The following PALLD variants were observed in gnomAD, a reference collection of about 807,000 sequenced individuals.
The protein encoded by PALLD is palladin.
Under a neutral mutation model 123.5 loss-of-function variants are expected in PALLD, and 61 were observed. The observed-to-expected ratio is 0.49, with a 90% confidence interval of 0.40 to 0.61. The LOEUF is 0.61. PALLD is among the 20% of genes least tolerant of loss of function. The probability of loss-of-function intolerance (pLI) is 0.00; values close to 1 mark genes in which losing one functional copy is unlikely to be tolerated. For missense variants in PALLD, 1,273 were observed against 1,377.0 expected, an observed-to-expected ratio of 0.92 and a Z score of 1.20; for synonymous variants, 465 against 496.4, an observed-to-expected ratio of 0.94 and a Z score of 0.84.
intron 10 of PALLD, among the ~76,000 whole-genome samples, chr4:168,794,494 G>GCA (rs148394196): frequency 0.014 from 1,919 of 135,692 alleles, 17 homozygotes; most frequent in African/African-American, 0.033. Flanking sequence ...ACACATGCAC[G>GCA]CACACACACA....
intron 2 of PALLD, among the ~76,000 whole-genome samples, chr4:168,642,984 A>T (rs1777105990): frequency 6.6e-6 from 1 of 152,196 alleles, no homozygotes; most frequent in Non-Finnish European, 1.5e-5. Context: ...AGCTGGAAGG[A>T]AAGGGGTGTT....
chr4:168,548,658 T>C (rs1766419379), intron 2 of PALLD, among the ~76,000 whole-genome samples: 1 of 152,174 alleles, frequency 6.6e-6, no homozygotes, highest in South Asian at 2.1e-4. Context: ...AGAGACAAAG[T>C]AAGGAGAGTT....
intron 10 of PALLD, among the ~76,000 whole-genome samples, chr4:168,861,305 C>T (rs1749429791): frequency 6.7e-6 from 1 of 149,354 alleles, no homozygotes; most frequent in African/African-American, 2.5e-5. Flanking sequence ...AGTAAAAAAG[C>T]ATTAGAACCA....
chr4:168,642,122 A>C (rs1448808254), intron 2 of PALLD, among the ~76,000 whole-genome samples: 1 of 152,198 alleles, frequency 6.6e-6, no homozygotes, highest in Admixed American at 6.5e-5. Flanking sequence ...CTTGGATTAC[A>C]AACATAGCCC....
At chr4:168,557,660 A>T (rs1441147429) in intron 2 of PALLD, among the ~76,000 whole-genome samples, 1 of 152,158 alleles carries the variant, frequency 6.6e-6, no homozygotes, top group East Asian at 1.9e-4. Flanking sequence ...ACACATAGAC[A>T]CTATCCACTG....
intron 6 of PALLD, 33 bp downstream of exon 6, chr4:168,685,592 T>A: frequency 7.1e-7 from 1 of 1,418,274 alleles, no homozygotes; most frequent in South Asian, 1.1e-5. Flanking sequence ...TCTCTGTGTT[T>A]GCTTTGGTCC....
chr4:168,816,413 A>ATTTTT lies in PALLD; in HGVS notation c.1965-74505_1965-74501dup, dbSNP rs1554088403. Reference sequence around the variant, plus strand: ...TGTATATATATATATATATATATATATTTTTTTTAAGTATTAGATTGGAGT... The same window carrying ATTTTT: ...TGTATATATATATATATATATATATATTTTTTTTTTTTTAAGTATTAGATTGGAGT... On this transcript the variant is annotated intron_variant, in intron 10 of 21. Coordinates refer to ENST00000505667, the MANE Select transcript of PALLD (RefSeq NM_001166108.2). Among the ~76,000 whole-genome samples the ATTTTT allele has an allele frequency of 1.3e-4, 18 of 135,994 alleles. No individual in the cohort carries two copies. The East Asian group carries it at 2.8e-3, about 21-fold the overall frequency. The allele number at this position is 135,994 out of a possible 152,430, so 89.2% of individuals were successfully genotyped here.
Position 168,565,033 on chromosome 4 carries a change from A to AT in PALLD, c.908+52621_908+52622insT, listed in dbSNP as rs1245187691. Among the ~76,000 whole-genome samples, 11 of 152,002 alleles carry AT rather than the reference A, an allele frequency of 7.2e-5. No individual in the cohort carries two copies. In the East Asian group the frequency reaches 2.1e-3, roughly 29 times the overall value. On this transcript the variant is annotated intron_variant, in intron 2 of 21. Coordinates refer to ENST00000505667, the MANE Select transcript of PALLD (RefSeq NM_001166108.2). The stretch of plus-strand genomic sequence containing the variant: ...AAACCCCATCTCTACCAAAAAAAAA[A>AT]AAAAAAAAAATTCGCTGGGCATGGT...
chr4:168,863,170 T>C (rs2151039116), intron 10 of PALLD, among the ~76,000 whole-genome samples: 1 of 152,278 alleles, frequency 6.6e-6, no homozygotes, highest in African/African-American at 2.4e-5. Flanking sequence ...CTCACCCTAC[T>C]CAAGTTTGGA....
At chr4:168,693,722 A>G (rs1331158879) in intron 8 of PALLD, among the ~76,000 whole-genome samples, 3 of 152,150 alleles carry the variant, frequency 2.0e-5, no homozygotes, top group African/African-American at 7.2e-5. Flanking sequence ...AAACTAACAC[A>G]ATGAGTTTTC....
chr4:168,520,261 G>A (rs2149450843), intron 2 of PALLD, among the ~76,000 whole-genome samples: 1 of 148,142 alleles, frequency 6.8e-6, no homozygotes, highest in East Asian at 2.0e-4. Flanking sequence ...GGGAGGCGGA[G>A]CTTACAGTGA....
chr4:168,907,955 A>AAGGGGT (rs1230537028), intron 15 of PALLD, among the ~76,000 whole-genome samples: 1 of 152,204 alleles, frequency 6.6e-6, no homozygotes, highest in Non-Finnish European at 1.5e-5. Context: ...CCAGCATCTT[A>AAGGGGT]AGGGGTAGGG....
At chr4:168,808,237 T>A (rs1222162710) in intron 10 of PALLD, among the ~76,000 whole-genome samples, 2 of 151,280 alleles carry the variant, frequency 1.3e-5, no homozygotes, top group Admixed American at 1.3e-4. Context: ...TCCCAGCAAT[T>A]TGGGAGGCTG....
chr4:168,892,579 A>G (rs2088011918), intron 11 of PALLD, among the ~76,000 whole-genome samples: 1 of 152,194 alleles, frequency 6.6e-6, no homozygotes, highest in South Asian at 2.1e-4. Context: ...TCACAAGAGG[A>G]AAATATTTTC....
At chr4:168,871,888 T>A (rs1751126820) in intron 10 of PALLD, among the ~76,000 whole-genome samples, 1 of 152,206 alleles carries the variant, frequency 6.6e-6, no homozygotes, top group Non-Finnish European at 1.5e-5. Flanking sequence ...TATAAATTCT[T>A]TGGACCACAT....
intron 15 of PALLD, among the ~76,000 whole-genome samples, chr4:168,906,117 C>T (rs992813861): frequency 1.3e-5 from 2 of 152,030 alleles, no homozygotes; most frequent in Non-Finnish European, 2.9e-5. Context: ...AATTTTTCTT[C>T]GTGTTGGGTC....
At chr4:168,679,107 GGTGT>G (rs370032946) in intron 3 of PALLD, among the ~76,000 whole-genome samples, 6 of 126,886 alleles carry the variant, frequency 4.7e-5, no homozygotes, top group East Asian at 5.1e-4. Context: ...GTTTATGGTG[GGTGT>G]GTGTGTGTGT....
chr4:168,732,328 T>C (rs975791796), intron 10 of PALLD, among the ~76,000 whole-genome samples: 3 of 152,204 alleles, frequency 2.0e-5, no homozygotes, highest in Admixed American at 6.5e-5. Context: ...TTAGAGTCAG[T>C]GCTGAGTAGT....
At chr4:168,567,567 G>GTGTGTGTA (rs1462632186) in intron 2 of PALLD, among the ~76,000 whole-genome samples, 7 of 149,344 alleles carry the variant, frequency 4.7e-5, no homozygotes, top group Non-Finnish European at 1.0e-4. Flanking sequence ...GTGTGTGTGT[G>GTGTGTGTA]TATGTAGATA....
Sources: gnomAD v4.1 joint callset for allele counts (sites outside exome capture counted in the v4.1 genomes callset) on GRCh38, gnomAD v4.1.1 for gene constraint, MANE v1.5 for transcripts, NCBI Gene and HGNC (gene_info 2026-07-23, HGNC 2026-07-21) for gene names.